HUNK: variants seen among roughly 807,000 people sequenced by gnomAD.
The protein encoded by HUNK is hormonally up-regulated neu tumor-associated kinase.
HUNK carries 21 observed loss-of-function variants against 61.0 expected under a neutral mutation model. That is an observed-to-expected ratio of 0.34 (90% CI 0.24 to 0.50). The LOEUF (loss-of-function observed/expected upper bound fraction) is 0.50, where lower values mean the gene tolerates loss of function less well. Among genes scored for constraint, HUNK ranks in the 20% least tolerant of loss-of-function variants. The pLI, the probability that HUNK is intolerant of heterozygous loss-of-function variation, is 0.98. For synonymous variants in HUNK, 371 were observed against 386.1 expected (o/e 0.96, Z 0.46); for missense variants, 772 against 945.7 (o/e 0.82, Z 2.41).
intron 1 of HUNK, among the ~76,000 whole-genome samples, chr21:31,920,206 T>C (rs1601378535): frequency 6.6e-6 from 1 of 152,214 alleles, no homozygotes; most frequent in Non-Finnish European, 1.5e-5. Flanking sequence ...CTCTATTTTA[T>C]AAGGACACTT....
intron 7 of HUNK, among the ~76,000 whole-genome samples, chr21:31,980,083 A>T (rs1568940425): frequency 6.6e-6 from 1 of 151,506 alleles, no homozygotes; most frequent in Non-Finnish European, 1.5e-5. Context: ...TTATTTATTT[A>T]TTTTTTGAGA....
chr21:31,890,251 CAG>C (rs1268425276), intron 1 of HUNK, among the ~76,000 whole-genome samples: 1 of 148,676 alleles, frequency 6.7e-6, no homozygotes, highest in Admixed American at 6.7e-5. Flanking sequence ...TTTTTTGAGA[CAG>C]AGTCTCGCTC....
intron 1 of HUNK, among the ~76,000 whole-genome samples, chr21:31,918,919 C>T (rs58186890): frequency 0.054 from 8,157 of 149,904 alleles, 318 homozygotes; most frequent in African/African-American, 0.064. Flanking sequence ...CTTGGTACGA[C>T]GGCCCAAGGC....
At chr21:31,974,753 CTG>C in intron 7 of HUNK, 36 bp downstream of exon 7, 1 of 1,547,000 alleles carries the variant, frequency 6.5e-7, no homozygotes, top group Non-Finnish European at 8.7e-7. Flanking sequence ...TCTCTGCTGT[CTG>C]TGGAAAAAAG....
At chr21:31,979,308 G>A (rs557782826) in intron 7 of HUNK, among the ~76,000 whole-genome samples, 3 of 151,514 alleles carry the variant, frequency 2.0e-5, no homozygotes, top group African/African-American at 7.3e-5. Flanking sequence ...TAGTAGAGAC[G>A]GGGTTTCACC....
At position 31,995,780 on chromosome 21, in the gene HUNK, A is replaced by G; in HGVS notation, c.1318A>G (p.Lys440Glu). 1 of 1,613,978 alleles carries G rather than the reference A, an allele frequency of 6.2e-7. No individual in the cohort carries two copies. The highest frequency in any genetic ancestry group is 8.5e-7 in the Non-Finnish European group (1 of 1,179,926). ...TTCTGATTTGTAGGATAAAAAGCCC[A>G]AAGAACAAGAAAAAAGAGGGGATTT... ...EFHAVQDKKP[K>E]EQEKRGDFLH... The change falls in exon 10 of 11, where the codon AAA (lysine) becomes GAA (glutamate). Residue 440 changes from lysine to glutamate, a missense_variant. Physicochemically the swap from Lys to Glu is moderately conservative, Grantham distance 56. Around this residue, in one of 2 missense-constraint regions of HUNK, gnomAD observed 413 missense variants for 444.4 expected, o/e 0.93. Coordinates refer to ENST00000270112, the MANE Select transcript of HUNK (RefSeq NM_014586.2).
intron 10 of HUNK, among the ~76,000 whole-genome samples, chr21:31,998,109 G>T (rs898986930): frequency 6.6e-5 from 10 of 152,024 alleles, no homozygotes; most frequent in African/African-American, 2.4e-4. Context: ...TTTAGAGACG[G>T]GGTCTTGCCA....
In HUNK at chr21:31,946,114, C is replaced by T; in HGVS notation, c.689C>T (p.Ala230Val). 6.2e-7 allele frequency: 1 copy of T among 1,613,718 alleles called. No individual in the cohort carries two copies. Among genetic ancestry groups the T allele is most frequent in the Non-Finnish European group, 8.5e-7 (1 of 1,179,614 alleles). ...FSTQCGSPAYAAPELLARKKY... is the reference protein window; with the variant it reads ...FSTQCGSPAYVAPELLARKKY... ...ACACAGTGTGGCAGCCCTGCCTACG[C>T]TGCACCTGAACTGCTCGCCAGGAAG... Residue 230 changes from alanine (A) to valine (V), a missense_variant, in exon 4 of 11, where the codon GCT (alanine) becomes GTT (valine). Transcript: ENST00000270112.
intron 2 of HUNK, among the ~76,000 whole-genome samples, chr21:31,939,625 C>T (rs2052755880): frequency 2.0e-5 from 3 of 151,670 alleles, no homozygotes; most frequent in Admixed American, 1.3e-4. Flanking sequence ...TCAGGCTGGT[C>T]TCGAACTCGC....
chr21:32,003,347 C>A lies in HUNK; in HGVS notation c.*4163C>A, dbSNP rs1438895493. On this transcript the variant is annotated 3_prime_UTR_variant, in exon 11 of 11. Transcript: ENST00000270112. ...GTTGACTTCCCAAGTAAGCAGCAAA[C>A]CCCTGGATAGCCTTGTTATCTACTT... is the stretch of plus-strand genomic sequence containing the variant. The A allele has an allele frequency of 2.0e-5, 3 of 152,176 alleles. No homozygotes were observed. The highest frequency in any genetic ancestry group is 4.8e-5 in the African/African-American group (2 of 41,444). The allele number at this position is 152,176 out of a possible 1,614,324, so 9.4% of individuals were successfully genotyped here.
At chr21:31,930,517 A>G (rs2052689195) in intron 2 of HUNK, among the ~76,000 whole-genome samples, 1 of 152,202 alleles carries the variant, frequency 6.6e-6, no homozygotes, top group Admixed American at 6.5e-5. Context: ...TTCTCTGGGA[A>G]GCCCTCCAGG....
Position 31,873,912 on chromosome 21 carries a change from C to T in HUNK, c.238C>T (p.Leu80=), listed in dbSNP as rs752627020. Reference sequence around the variant, plus strand: ...CTCCTTTGCCAAGGTGCGCGAGGGGCTGCACGTGCTGACCGGGGAGAAGGT... The same window carrying T: ...CTCCTTTGCCAAGGTGCGCGAGGGGTTGCACGTGCTGACCGGGGAGAAGGT... ...EGSFAKVREG[L]HVLTGEKVAI... is the part of the protein sequence containing the mutation. The change falls in exon 1 of 11, where the codon CTG becomes TTG. Residue 80 remains leucine, a synonymous_variant. Coordinates refer to ENST00000270112, the MANE Select transcript of HUNK (RefSeq NM_014586.2). The surrounding 1 kb of genome is among the most constrained non-coding windows in gnomAD (Gnocchi z 6.1). 6 of 1,565,528 alleles carry T rather than the reference C, an allele frequency of 3.8e-6. No homozygotes were observed. Among genetic ancestry groups the T allele is most frequent in the Non-Finnish European group, 5.2e-6 (6 of 1,159,040 alleles).
chr21:31,903,425 T>C (rs2052482640), intron 1 of HUNK, among the ~76,000 whole-genome samples: 2 of 152,140 alleles, frequency 1.3e-5, no homozygotes, highest in African/African-American at 4.8e-5. Flanking sequence ...TTTTAGTCAT[T>C]GGAATAGTAA....
At chr21:31,941,593 C>T (rs1265444642) in intron 3 of HUNK, among the ~76,000 whole-genome samples, 2 of 152,178 alleles carry the variant, frequency 1.3e-5, no homozygotes, top group Admixed American at 1.3e-4. Flanking sequence ...AGGCATGAGC[C>T]ACCATGCCTG....
Position 31,999,467 on chromosome 21 carries a change from A to G in HUNK, c.*283A>G, listed in dbSNP as rs905573652. On this transcript the variant is annotated 3_prime_UTR_variant, in exon 11 of 11. Transcript: ENST00000270112. ...ACCCCTTCCACTTCCCACTTCCCCC[A>G]GGCTTGGGGGGAAAACAGGGCATGA... The G allele has an allele frequency of 7.2e-5, 28 of 386,434 alleles. No individual in the cohort carries two copies. The highest frequency in any genetic ancestry group is 1.2e-4 in the Non-Finnish European group (25 of 216,464). 23.9% of individuals were successfully genotyped at this position (386,434 alleles called of 1,614,324 possible).
chr21:31,914,615 G>A (rs552559561), intron 1 of HUNK, among the ~76,000 whole-genome samples: 1 of 152,206 alleles, frequency 6.6e-6, no homozygotes, highest in East Asian at 1.9e-4. Context: ...ATGTTTCACA[G>A]TCCTGGAGTC....
intron 1 of HUNK, among the ~76,000 whole-genome samples, chr21:31,874,371 G>A (rs1380684053): frequency 1.3e-5 from 2 of 151,904 alleles, no homozygotes; most frequent in African/African-American, 2.4e-5. Context: ...CCAGCCTCTG[G>A]GGGGAGCTTA....
chr21:31,988,456 C>A (rs1375643461), intron 8 of HUNK, among the ~76,000 whole-genome samples: 1 of 152,136 alleles, frequency 6.6e-6, no homozygotes, highest in Non-Finnish European at 1.5e-5. Flanking sequence ...GAACTGGATT[C>A]GTCTGCTTGG....
chr21:31,968,417 G>A (rs371333261), intron 6 of HUNK, 32 bp downstream of exon 6: 146 of 1,613,226 alleles, frequency 9.1e-5, no homozygotes, highest in Non-Finnish European at 1.1e-4. Context: ...AACTCCTCGG[G>A]AGAGACGGGG....
Sources: allele counts gnomAD v4.1 joint callset (sites outside exome capture counted in the v4.1 genomes callset), GRCh38; gene constraint gnomAD v4.1.1; regional missense constraint gnomAD v4.1.1; non-coding constraint Gnocchi (gnomAD v3.1); transcripts MANE v1.5; gene names NCBI Gene and HGNC (gene_info 2026-07-23, HGNC 2026-07-21).